Variants in ATP8B4 observed in about 807,000 individuals in gnomAD.
The protein encoded by ATP8B4 is probable phospholipid-transporting ATPase IM.
ATP8B4 carries 133 observed loss-of-function variants against 145.6 expected under a neutral mutation model. That is an observed-to-expected ratio of 0.91 (90% CI 0.79 to 1.05). ATP8B4 has a LOEUF of 1.05. Among genes scored for constraint, ATP8B4 ranks in the 50% least tolerant of loss-of-function variants. ATP8B4 has a pLI of 0.00. For synonymous variants in ATP8B4, 507 were observed against 492.9 expected (o/e 1.03, Z -0.38); for missense variants, 1,458 against 1,425.2 (o/e 1.02, Z -0.37).
chr15:49,861,127 T>G (rs935454045), intron 27 of ATP8B4, among the ~76,000 whole-genome samples: 1 of 152,048 alleles, frequency 6.6e-6, no homozygotes, highest in Non-Finnish European at 1.5e-5. Context: ...TGAGGTTTGT[T>G]GTAAGCAACC....
intron 21 of ATP8B4, among the ~76,000 whole-genome samples, chr15:49,900,438 T>C (rs535131698): frequency 6.6e-6 from 1 of 152,382 alleles, no homozygotes; most frequent in South Asian, 2.1e-4. Context: ...ATATAAATTA[T>C]AATTTCACTG....
chr15:49,872,496 G>T (rs1361564568), intron 25 of ATP8B4, among the ~76,000 whole-genome samples: 1 of 152,148 alleles, frequency 6.6e-6, no homozygotes, highest in African/African-American at 2.4e-5. Context: ...AAACATCATT[G>T]TAAGCAAGTA....
Position 49,923,234 on chromosome 15 carries a change from T to C in ATP8B4, c.1758+145A>G, listed in dbSNP as rs573709118. Reference sequence around the variant, plus strand: ...CCTTGTGCCAATTCCCAGACAATCATTGGCACAGCTTCCTGTGGAACCATT... The same window carrying C: ...CCTTGTGCCAATTCCCAGACAATCACTGGCACAGCTTCCTGTGGAACCATT... On this transcript the variant is annotated intron_variant, in intron 17 of 27. Coordinates refer to ENST00000284509, the MANE Select transcript of ATP8B4 (RefSeq NM_024837.4). The C allele has an allele frequency of 1.5e-5, 10 of 663,198 alleles. No individual in the cohort carries two copies. The South Asian group carries it at 1.7e-4, about 11-fold the overall frequency. 41.1% of individuals were successfully genotyped at this position (663,198 alleles called of 1,614,324 possible). A position where few individuals can be genotyped will look rare whatever the true frequency, so the allele number is the denominator to read the frequency against.
At chr15:50,076,797 C>A (rs2054206850) in intron 2 of ATP8B4, among the ~76,000 whole-genome samples, 1 of 152,184 alleles carries the variant, frequency 6.6e-6, no homozygotes, top group Admixed American at 6.5e-5. Flanking sequence ...AATTTAGCAT[C>A]CCTTCATTAA....
At chr15:50,150,557 C>A (rs368552411) in intron 1 of ATP8B4, among the ~76,000 whole-genome samples, 1 of 152,180 alleles carries the variant, frequency 6.6e-6, no homozygotes, top group East Asian at 1.9e-4. Flanking sequence ...TTGGTGACTA[C>A]GAGTCATACT....
intron 1 of ATP8B4, among the ~76,000 whole-genome samples, chr15:50,173,137 C>T (rs1325547013): frequency 2.6e-5 from 4 of 151,632 alleles, no homozygotes; most frequent in African/African-American, 7.3e-5. Context: ...TCTGCCCGGC[C>T]GCCCCGTCTG....
At chr15:49,905,602 G>A (rs1447390142) in intron 20 of ATP8B4, among the ~76,000 whole-genome samples, 1 of 152,080 alleles carries the variant, frequency 6.6e-6, no homozygotes, top group Non-Finnish European at 1.5e-5. Flanking sequence ...TAAGAATGGG[G>A]TTACCTACAA....
chr15:49,907,801 T>C (rs1374451208), intron 20 of ATP8B4, among the ~76,000 whole-genome samples: 1 of 152,246 alleles, frequency 6.6e-6, no homozygotes, highest in Non-Finnish European at 1.5e-5. Flanking sequence ...CTCTTTCTCC[T>C]ACATCTGCTA....
intron 7 of ATP8B4, among the ~76,000 whole-genome samples, chr15:50,003,788 A>G (rs1359595735): frequency 6.6e-6 from 1 of 152,092 alleles, no homozygotes; most frequent in Non-Finnish European, 1.5e-5. Flanking sequence ...CTTTTCTTTG[A>G]AACTCGAATC....
chr15:50,010,782 A>G, intron 7 of ATP8B4, 63 bp downstream of exon 7: 1 of 1,116,272 alleles, frequency 9.0e-7, no homozygotes, highest in Non-Finnish European at 1.2e-6. Flanking sequence ...GCAAATGTAA[A>G]TACTTCCATA....
In ATP8B4 at chr15:50,028,397, GT is replaced by G. The variant is rs567432651; in HGVS notation, c.362+10370del. Among the ~76,000 whole-genome samples the G allele has an allele frequency of 7.9e-5, 12 of 152,256 alleles. No individual in the cohort carries two copies. The South Asian group carries it at 2.5e-3, about 32-fold the overall frequency. On this transcript the variant is annotated intron_variant, in intron 6 of 27. Coordinates refer to ENST00000284509, the MANE Select transcript of ATP8B4 (RefSeq NM_024837.4). ...TGGTCAAGTTTAAAAATGTTCCAGT[GT>G]TCCTGAGTTACAGCTTCAAAGCACC...
chr15:49,955,469 T>G (rs2043477070), intron 14 of ATP8B4, among the ~76,000 whole-genome samples: 1 of 152,198 alleles, frequency 6.6e-6, no homozygotes, highest in Admixed American at 6.5e-5. Flanking sequence ...GAAAACAGTA[T>G]GAAAGTTCCT....
chr15:50,012,107 T>G (rs185106811), intron 6 of ATP8B4, among the ~76,000 whole-genome samples: 2 of 152,294 alleles, frequency 1.3e-5, no homozygotes, highest in East Asian at 3.9e-4. Context: ...CAATCATTTT[T>G]CCAGTGCTAC....
intron 6 of ATP8B4, among the ~76,000 whole-genome samples, chr15:50,020,270 GTT>G (rs778979345): frequency 4.8e-5 from 6 of 125,494 alleles, no homozygotes; most frequent in Non-Finnish European, 3.3e-5. Context: ...TGAGTTTTTT[GTT>G]TTTTTTTTTT....
At chr15:50,032,032 C>T (rs142169419) in intron 6 of ATP8B4, among the ~76,000 whole-genome samples, 4 of 152,212 alleles carry the variant, frequency 2.6e-5, no homozygotes, top group African/African-American at 9.6e-5. Flanking sequence ...AATATTTATT[C>T]TTTAAAATTT....
At chr15:49,874,179 A>G (rs1328969581) in intron 25 of ATP8B4, among the ~76,000 whole-genome samples, 1 of 152,264 alleles carries the variant, frequency 6.6e-6, no homozygotes, top group Non-Finnish European at 1.5e-5. Context: ...TCTAGGAGGT[A>G]GAAAGACATT....
At chr15:50,113,581 G>A (rs555815395) in intron 1 of ATP8B4, among the ~76,000 whole-genome samples, 1 of 152,130 alleles carries the variant, frequency 6.6e-6, no homozygotes, top group African/African-American at 2.4e-5. Flanking sequence ...GCTCACACCT[G>A]TAATCCCAGC....
intron 6 of ATP8B4, among the ~76,000 whole-genome samples, chr15:50,026,958 T>C (rs1440829173): frequency 6.6e-6 from 1 of 152,130 alleles, no homozygotes; most frequent in Non-Finnish European, 1.5e-5. Context: ...GCCTCCCTCT[T>C]CAATAAGCCT....
chr15:50,030,252 C>T (rs900314969), intron 6 of ATP8B4, among the ~76,000 whole-genome samples: 1 of 151,710 alleles, frequency 6.6e-6, no homozygotes, highest in South Asian at 2.1e-4. Context: ...GATGCATAAA[C>T]CTATTCTTTT....
Sources: allele counts gnomAD v4.1 joint callset (sites outside exome capture counted in the v4.1 genomes callset), GRCh38; gene constraint gnomAD v4.1.1; transcripts MANE v1.5; gene names NCBI Gene and HGNC (gene_info 2026-07-23, HGNC 2026-07-21).